The following PLXNA4 variants were observed in gnomAD, a reference collection of about 807,000 sequenced individuals.
PLXNA4 encodes the protein plexin A4.
A neutral mutation model predicts 191.8 loss-of-function variants in PLXNA4; 44 were observed. The observed-to-expected ratio is 0.23, with a 90% CI of 0.18 to 0.29. The LOEUF is 0.29. PLXNA4 is among the 10% of genes least tolerant of loss of function. The probability of loss-of-function intolerance (pLI) is 1.00; values close to 1 mark genes in which losing one functional copy is unlikely to be tolerated. For missense variants in PLXNA4, 1,800 were observed against 2,488.8 expected, an observed-to-expected ratio of 0.72 and a Z score of 5.89; for synonymous variants, 1,082 against 1,009.5, an observed-to-expected ratio of 1.07 and a Z score of -1.36.
intron 1 of PLXNA4, among the ~76,000 whole-genome samples, chr7:132,561,367 TTG>T (rs1801041244): frequency 1.5e-5 from 2 of 137,630 alleles, no homozygotes; most frequent in African/African-American, 2.8e-5. Flanking sequence ...TCCCTCCTTC[TTG>T]TCCTCCTCCT....
intron 3 of PLXNA4, among the ~76,000 whole-genome samples, chr7:132,445,105 A>T (rs1049758901): frequency 1.5e-5 from 2 of 132,824 alleles, no homozygotes; most frequent in Non-Finnish European, 3.1e-5. Context: ...CAGTGAGCCG[A>T]GATTGCACCA....
chr7:132,632,235 CAAA>C (rs398006359), intron 2 of PLXNA4, among the ~76,000 whole-genome samples: 1,072 of 78,550 alleles, frequency 0.014, 8 homozygotes, highest in African/African-American at 0.047. Context: ...GACTCCATCT[CAAA>C]AAAAAAAAAA....
intron 4 of PLXNA4, among the ~76,000 whole-genome samples, chr7:132,267,128 C>T (rs1000265239): frequency 1.3e-5 from 2 of 152,134 alleles, no homozygotes; most frequent in Non-Finnish European, 1.5e-5. Context: ...GGAGCAAATT[C>T]CACACTATCT....
intron 3 of PLXNA4, among the ~76,000 whole-genome samples, chr7:132,348,715 T>C (rs1803352871): frequency 6.6e-6 from 1 of 152,178 alleles, no homozygotes. Flanking sequence ...GCAACCCCAG[T>C]CCCTGGGGCC....
intron 3 of PLXNA4, among the ~76,000 whole-genome samples, chr7:132,348,434 A>G (rs1013262327): frequency 2.0e-5 from 3 of 152,244 alleles, no homozygotes; most frequent in African/African-American, 7.2e-5. Context: ...GAGTGAATGC[A>G]TGAAGGAAGG....
At chr7:132,331,989 T>G (rs961581021) in intron 3 of PLXNA4, among the ~76,000 whole-genome samples, 2 of 152,182 alleles carry the variant, frequency 1.3e-5, no homozygotes, top group African/African-American at 4.8e-5. Flanking sequence ...GCACTGAACT[T>G]TCATGGACAA....
chr7:132,297,161 G>A (rs1263292172), intron 4 of PLXNA4, among the ~76,000 whole-genome samples: 2 of 152,108 alleles, frequency 1.3e-5, no homozygotes, highest in African/African-American at 4.8e-5. Flanking sequence ...CCACGCTGAC[G>A]AGGATGAAAA....
chr7:132,458,743 C>A lies in PLXNA4; in HGVS notation c.1371+30549G>T, dbSNP rs114761051. Reference sequence around the variant, plus strand: ...ACAGGCAACATGGAGGAGTTTAGCACGTGAAAACTCACCAAGATGTACACT... The same window carrying A: ...ACAGGCAACATGGAGGAGTTTAGCAAGTGAAAACTCACCAAGATGTACACT... On this transcript the variant is annotated intron_variant, in intron 3 of 31. Transcript: ENST00000321063. 4.1e-3 allele frequency among the ~76,000 whole-genome samples: 630 copies of A among 151,932 alleles called. 5 individuals are homozygous for A. Among genetic ancestry groups the A allele is most frequent in the African/African-American group, 0.014 (585 of 41,388 alleles).
intron 1 of PLXNA4, among the ~76,000 whole-genome samples, chr7:132,559,936 G>C (rs1237070902): frequency 6.6e-6 from 1 of 152,094 alleles, no homozygotes; most frequent in Non-Finnish European, 1.5e-5. Context: ...AGAAACAGGG[G>C]GTAGAACCTG....
chr7:132,206,618 C>T (rs1384578887), intron 10 of PLXNA4, among the ~76,000 whole-genome samples: 5 of 152,134 alleles, frequency 3.3e-5, no homozygotes, highest in African/African-American at 9.7e-5. Flanking sequence ...ACCCCATGTG[C>T]TCCCCCTCAG....
chr7:132,157,479 G>A (rs944806552), intron 25 of PLXNA4, among the ~76,000 whole-genome samples: 4 of 152,218 alleles, frequency 2.6e-5, no homozygotes, highest in South Asian at 2.1e-4. Flanking sequence ...CAAAGTTCAC[G>A]GGGCTGCCTT....
chr7:132,436,002 G>A (rs188664484), intron 3 of PLXNA4, among the ~76,000 whole-genome samples: 165 of 152,320 alleles, frequency 1.1e-3, no homozygotes, highest in Non-Finnish European at 1.7e-3. Context: ...GGGCACCCCC[G>A]AACCCTGCTC....
chr7:132,289,448 A>C (rs117482458), intron 4 of PLXNA4, among the ~76,000 whole-genome samples: 1 of 152,132 alleles, frequency 6.6e-6, no homozygotes, highest in Non-Finnish European at 1.5e-5. Context: ...CTGTTTCTTC[A>C]TGGTTGTATT....
intron 1 of PLXNA4, among the ~76,000 whole-genome samples, chr7:132,556,897 A>G (rs1040151094): frequency 6.6e-6 from 1 of 152,258 alleles, no homozygotes; most frequent in African/African-American, 2.4e-5. Context: ...AGGATGAAAC[A>G]AAGTTTAAGA....
chr7:132,224,644 C>T (rs1798253459), intron 8 of PLXNA4, among the ~76,000 whole-genome samples: 1 of 152,152 alleles, frequency 6.6e-6, no homozygotes, highest in South Asian at 2.1e-4. Flanking sequence ...CATGATTTCA[C>T]CTATTTACTC....
intron 3 of PLXNA4, among the ~76,000 whole-genome samples, chr7:132,342,398 T>G (rs1459753826): frequency 6.6e-6 from 1 of 151,892 alleles, no homozygotes; most frequent in African/African-American, 2.4e-5. Context: ...GGCTATAAAA[T>G]AAGAAGCTTC....
At chr7:132,236,270 C>T (rs1024162331) in intron 5 of PLXNA4, among the ~76,000 whole-genome samples, 18 of 152,174 alleles carry the variant, frequency 1.2e-4, no homozygotes, top group Non-Finnish European at 2.1e-4. Flanking sequence ...CCTCTCTCTG[C>T]CTTTTCCTTC....
chr7:132,525,865 A>G (rs146421844), intron 1 of PLXNA4, among the ~76,000 whole-genome samples: 61 of 152,332 alleles, frequency 4.0e-4, no homozygotes, highest in African/African-American at 1.4e-3. Flanking sequence ...CAGCTCACTA[A>G]AAGTCCTCAG....
chr7:132,605,141 C>T (rs955847518), intron 2 of PLXNA4, among the ~76,000 whole-genome samples: 6 of 152,174 alleles, frequency 3.9e-5, no homozygotes, highest in African/African-American at 1.4e-4. Flanking sequence ...TGTTCTTATC[C>T]ACATTTTATT....
Sources: gnomAD v4.1 joint callset for allele counts (sites outside exome capture counted in the v4.1 genomes callset) on GRCh38, gnomAD v4.1.1 for gene constraint, MANE v1.5 for transcripts, NCBI Gene and HGNC (gene_info 2026-07-23, HGNC 2026-07-21) for gene names.